The following INSYN2A variants were observed in gnomAD, a reference collection of about 807,000 sequenced individuals.
INSYN2A encodes the protein family with sequence similarity 196 member A.
A neutral mutation model predicts 39.4 loss-of-function variants in INSYN2A; 17 were observed. The ratio of observed to expected loss-of-function variants is 0.43; its 90% CI spans 0.30 to 0.65. The LOEUF (loss-of-function observed/expected upper bound fraction) is 0.65. INSYN2A is among the 30% of genes least tolerant of loss of function. The probability of loss-of-function intolerance (pLI) is 0.14; values close to 1 mark genes in which losing one functional copy is unlikely to be tolerated. For missense variants in INSYN2A, 595 were observed against 631.2 expected (o/e 0.94, Z 0.61); for synonymous variants, 255 against 265.7 (o/e 0.96, Z 0.39).
rs1289087438 is a variant in INSYN2A, at chr10:127,135,545, C to T, written c.*2292G>A. On this transcript the variant is annotated 3_prime_UTR_variant, in exon 6 of 6. Coordinates refer to ENST00000522781, the MANE Select transcript of INSYN2A (RefSeq NM_001039762.3). ...ACATAAGGGAACCCTGTGCGTTTTACCTTGCTTTTGTATCAGCGTTTTTAC... is the reference window on the plus strand; with the variant it reads ...ACATAAGGGAACCCTGTGCGTTTTATCTTGCTTTTGTATCAGCGTTTTTAC... The T allele has an allele frequency of 6.6e-6, 1 of 152,586 alleles. No homozygotes were observed. The highest frequency in any genetic ancestry group is 1.5e-5 in the Non-Finnish European group (1 of 68,030). The allele number at this position is 152,586 out of a possible 1,614,324, so 9.5% of individuals were successfully genotyped here. A position where few individuals can be genotyped will look rare whatever the true frequency, so the allele number is the denominator to read the frequency against.
intron 5 of INSYN2A, among the ~76,000 whole-genome samples, chr10:127,143,706 G>A (rs528039266): frequency 6.6e-6 from 1 of 152,164 alleles, no homozygotes; most frequent in Non-Finnish European, 1.5e-5. Context: ...ACTAAAAGTT[G>A]GGATCTGGAT....
chr10:127,146,654 A>C (rs1490973035), intron 5 of INSYN2A, among the ~76,000 whole-genome samples: 2 of 152,172 alleles, frequency 1.3e-5, no homozygotes, highest in Non-Finnish European at 2.9e-5. Flanking sequence ...CAGAGCACTA[A>C]ACATTAGGCA....
At position 127,137,906 on chromosome 10, in the gene INSYN2A, GGAGTAAGTCTCCTGA is replaced by G; in HGVS notation, c.1356_1370del (p.Gln453_Ser457del). 1 of 1,614,134 alleles carries G rather than the reference GGAGTAAGTCTCCTGA, an allele frequency of 6.2e-7. No individual in the cohort carries two copies. Among genetic ancestry groups the G allele is most frequent in the Non-Finnish European group, 8.5e-7 (1 of 1,180,002 alleles). On this transcript the variant is annotated inframe_deletion, in exon 6 of 6. Coordinates refer to ENST00000522781, the MANE Select transcript of INSYN2A (RefSeq NM_001039762.3). ...TTTTGGATTTTTGCTTGGGAGTTGA[GGAGTAAGTCTCCTGA>G]GAGTAAGGCGAAGGTATGACCTGAG...
intron 2 of INSYN2A, among the ~76,000 whole-genome samples, chr10:127,189,602 T>C (rs1380478724): frequency 6.6e-6 from 1 of 152,260 alleles, no homozygotes; most frequent in Non-Finnish European, 1.5e-5. Context: ...GTGAAGCCAC[T>C]GAGCTAACAA....
At chr10:127,153,766 A>G (rs1006537573) in intron 5 of INSYN2A, 86 bp downstream of exon 5, 4 of 1,040,192 alleles carry the variant, frequency 3.8e-6, no homozygotes, top group Middle Eastern at 2.1e-4. Context: ...TCATCCCAGC[A>G]TGGCCCCAGA....
intron 5 of INSYN2A, among the ~76,000 whole-genome samples, chr10:127,152,131 C>T (rs982037612): frequency 3.3e-5 from 5 of 152,118 alleles, no homozygotes; most frequent in Non-Finnish European, 5.9e-5. Flanking sequence ...GCGTTAAAGA[C>T]GGTATGAGCT....
Position 127,175,437 on chromosome 10 carries a change from T to A in INSYN2A, c.959A>T (p.Glu320Val), listed in dbSNP as rs1235460391. The change falls in exon 4 of 6, where the codon GAG (glutamate) becomes GTG (valine). Residue 320 changes from glutamate (E) to valine (V), a missense_variant. This residue lies in a region of INSYN2A where 478 missense variants were observed against 467.4 expected (regional missense o/e 1.02). Coordinates refer to ENST00000522781, the MANE Select transcript of INSYN2A (RefSeq NM_001039762.3). This position sits in a 1 kb window ranked among gnomAD's most constrained non-coding sequence, Gnocchi z 6.3. ...CGGGGTGTGAGTCTGCGACGGCTGC[T>A]CACTACATTCGGGGGACAGGCACTG... Reference protein sequence around the residue: ...PMQCLSPECSEQPSQTHTPPG... With the variant: ...PMQCLSPECSVQPSQTHTPPG... 2.5e-6 allele frequency: 4 copies of A among 1,612,502 alleles called. No homozygotes were observed. In the African/African-American group the frequency reaches 5.3e-5, roughly 21 times the overall value.
chr10:127,138,635 A>G (rs185573881), intron 5 of INSYN2A, among the ~76,000 whole-genome samples: 18 of 152,306 alleles, frequency 1.2e-4, no homozygotes, highest in Admixed American at 1.2e-3. Context: ...CTCCGCCATT[A>G]CTAACCACAG....
At chr10:127,191,643 G>C (rs2056763887) in intron 2 of INSYN2A, among the ~76,000 whole-genome samples, 3 of 152,148 alleles carry the variant, frequency 2.0e-5, no homozygotes, top group African/African-American at 7.2e-5. Flanking sequence ...AAGAACAAGG[G>C]TGGGGGATCT....
At position 127,175,942 on chromosome 10, in the gene INSYN2A, C is replaced by T. The variant is rs150007430; in HGVS notation, c.454G>A (p.Glu152Lys). 8.1e-6 allele frequency: 13 copies of T among 1,614,080 alleles called. No individual in the cohort carries two copies. The highest frequency in any genetic ancestry group is 1.3e-5 in the African/African-American group (1 of 74,934). ...CGGGCCTCCTCCATGGGTCCAGCCTCGTTCTTCTCTTTCGCATCTGTTAGA... is the reference window on the plus strand; with the variant it reads ...CGGGCCTCCTCCATGGGTCCAGCCTTGTTCTTCTCTTTCGCATCTGTTAGA... Reference protein sequence around the residue: ...GFLTDAKEKNEAGPMEEARPC... With the variant: ...GFLTDAKEKNKAGPMEEARPC... The change falls in exon 4 of 6, where the codon GAG becomes AAG. Residue 152 changes from glutamate to lysine, a missense_variant. By Grantham distance (56) the Glu-to-Lys change is moderately conservative. Around this residue, in one of 2 missense-constraint regions of INSYN2A, gnomAD observed 478 missense variants for 467.4 expected, o/e 1.02. Coordinates refer to ENST00000522781, the MANE Select transcript of INSYN2A (RefSeq NM_001039762.3). This position sits in a 1 kb window ranked among gnomAD's most constrained non-coding sequence, Gnocchi z 6.3.
chr10:127,135,734 TA>T lies in INSYN2A; in HGVS notation c.*2102del, dbSNP rs2050634369. The T allele has an allele frequency of 1.3e-5, 2 of 152,664 alleles. No homozygotes were observed. Among genetic ancestry groups the T allele is most frequent in the South Asian group, 4.1e-4 (2 of 4,836 alleles). The allele number at this position is 152,664 out of a possible 1,614,324, so 9.5% of individuals were successfully genotyped here. On this transcript the variant is annotated 3_prime_UTR_variant, in exon 6 of 6. Transcript: ENST00000522781. Reference sequence around the variant, plus strand: ...TTTTTGACTCTGAACATTTTAATTTTATTTTTTTTTGGTCTAGACTGGTGTG... The same window carrying T: ...TTTTTGACTCTGAACATTTTAATTTTTTTTTTTTTGGTCTAGACTGGTGTG...
Position 127,175,256 on chromosome 10 carries a change from C to T in INSYN2A, c.1140G>A (p.Leu380=), listed in dbSNP as rs772766765. ...CTTTTTCCAACTCCTGAATGACCCC[C>T]AAGAGCACTTTGATGGTTTCTTGGC... ...SSSQETIKVL[L]GVIQELEKGE... is the part of the protein sequence containing the mutation. The change falls in exon 4 of 6, where the codon TTG becomes TTA. Residue 380 remains leucine (L), a synonymous_variant. Coordinates refer to ENST00000522781, the MANE Select transcript of INSYN2A (RefSeq NM_001039762.3). The surrounding 1 kb of genome is among the most constrained non-coding windows in gnomAD (Gnocchi z 6.3). 5 of 1,614,044 alleles carry T rather than the reference C, an allele frequency of 3.1e-6. No homozygotes were observed. The highest frequency in any genetic ancestry group is 2.2e-5 in the East Asian group (1 of 44,894).
intron 4 of INSYN2A, among the ~76,000 whole-genome samples, chr10:127,166,883 C>G (rs567868230): frequency 1.3e-5 from 2 of 152,038 alleles, no homozygotes; most frequent in South Asian, 2.1e-4. Flanking sequence ...TCTGGATTGC[C>G]TAGTGGCTCG....
At chr10:127,152,679 C>T (rs1040042766) in intron 5 of INSYN2A, among the ~76,000 whole-genome samples, 1 of 152,230 alleles carries the variant, frequency 6.6e-6, no homozygotes, top group Non-Finnish European at 1.5e-5. Flanking sequence ...GCTGCATAAC[C>T]GGCAGCAGCT....
chr10:127,156,322 A>T (rs1319667716), intron 4 of INSYN2A, among the ~76,000 whole-genome samples: 1 of 152,060 alleles, frequency 6.6e-6, no homozygotes, highest in African/African-American at 2.4e-5. Context: ...CAGGCTTCTG[A>T]TGCTCCCTGT....
chr10:127,158,116 A>G (rs1424576574), intron 4 of INSYN2A, among the ~76,000 whole-genome samples: 1 of 152,228 alleles, frequency 6.6e-6, no homozygotes, highest in East Asian at 1.9e-4. Context: ...CAGCATCTGA[A>G]TATGTTCTCC....
At chr10:127,166,367 A>G (rs1335588149) in intron 4 of INSYN2A, among the ~76,000 whole-genome samples, 1 of 152,176 alleles carries the variant, frequency 6.6e-6, no homozygotes, top group Admixed American at 6.5e-5. Flanking sequence ...GCCCGGCCCA[A>G]AAAAATGCCT....
At chr10:127,178,553 T>A (rs1271226540) in intron 2 of INSYN2A, among the ~76,000 whole-genome samples, 1 of 152,180 alleles carries the variant, frequency 6.6e-6, no homozygotes, top group South Asian at 2.1e-4. Flanking sequence ...GCATTAGCCC[T>A]TGCACCTCTG....
chr10:127,189,944 A>G lies in INSYN2A; in HGVS notation c.-269+2661T>C, dbSNP rs1334416. Among the ~76,000 whole-genome samples, 1,442 of 152,354 alleles carry G rather than the reference A, an allele frequency of 9.5e-3. 21 individuals carry two copies. The highest frequency in any genetic ancestry group is 0.033 in the African/African-American group (1,363 of 41,580). ...GACGTCAAATTGAGATGTGAGGTTA[A>G]GGCTGAGAGACAGACATCTCCTTCT... is the stretch of plus-strand genomic sequence containing the variant. On this transcript the variant is annotated intron_variant, in intron 2 of 5. Coordinates refer to ENST00000522781, the MANE Select transcript of INSYN2A (RefSeq NM_001039762.3).
Sources: gnomAD v4.1 joint callset for allele counts (sites outside exome capture counted in the v4.1 genomes callset) on GRCh38, gnomAD v4.1.1 for gene constraint, gnomAD v4.1.1 regional missense constraint, Gnocchi (gnomAD v3.1) non-coding constraint, MANE v1.5 for transcripts, NCBI Gene and HGNC (gene_info 2026-07-23, HGNC 2026-07-21) for gene names.